The following SFXN2 variants were observed in gnomAD, a reference collection of about 807,000 sequenced individuals.
SFXN2 encodes the protein sideroflexin-2.
A neutral mutation model predicts 41.9 loss-of-function variants in SFXN2; 37 were observed. The ratio of observed to expected loss-of-function variants is 0.88; its 90% confidence interval spans 0.68 to 1.16. The LOEUF is 1.16. Ranked by LOEUF, SFXN2 falls within the 50% of genes most tolerant of loss-of-function variation. The probability of loss-of-function intolerance (pLI) is 0.00; values close to 1 mark genes in which losing one functional copy is unlikely to be tolerated. For synonymous variants in SFXN2, 150 were observed against 156.7 expected, an observed-to-expected ratio of 0.96 and a Z score of 0.32; for missense variants, 386 against 425.2, an observed-to-expected ratio of 0.91 and a Z score of 0.81.
At chr10:102,720,453 C>T (rs1422372581) in intron 1 of SFXN2, among the ~76,000 whole-genome samples, 2 of 151,780 alleles carry the variant, frequency 1.3e-5, no homozygotes, top group African/African-American at 2.4e-5. Flanking sequence ...ACAAAAAATA[C>T]AAAAACTAGC....
At chr10:102,736,597 A>G (rs1349958528) in intron 11 of SFXN2, among the ~76,000 whole-genome samples, 3 of 151,920 alleles carry the variant, frequency 2.0e-5, no homozygotes, top group Non-Finnish European at 4.4e-5. Context: ...TTGTATTTTT[A>G]GTAGAGACGG....
At chr10:102,729,685 G>A (rs774533000) in intron 5 of SFXN2, 38 bp from the exon 6 acceptor site, 29 of 1,597,518 alleles carry the variant, frequency 1.8e-5, no homozygotes, top group Middle Eastern at 3.3e-4. Flanking sequence ...ATCTTCCAGC[G>A]CTTCTGAACA....
chr10:102,729,675 A>T, intron 5 of SFXN2, 48 bp from the exon 6 acceptor site: 1 of 1,581,618 alleles, frequency 6.3e-7, no homozygotes, highest in Middle Eastern at 1.7e-4. Flanking sequence ...CTCCCCTCCC[A>T]TCTTCCAGCG....
At chr10:102,731,472 TC>T (rs2064703290) in intron 6 of SFXN2, among the ~76,000 whole-genome samples, 1 of 152,000 alleles carries the variant, frequency 6.6e-6, no homozygotes, top group South Asian at 2.1e-4. Flanking sequence ...GTGCTCAAGG[TC>T]ACACACATCC....
chr10:102,737,599 C>T, intron 11 of SFXN2, 64 bp from the exon 12 acceptor site: 1 of 1,039,424 alleles, frequency 9.6e-7, no homozygotes, highest in Non-Finnish European at 1.5e-6. Context: ...AGGTGATATT[C>T]ATCTGAGGGT....
intron 1 of SFXN2, among the ~76,000 whole-genome samples, chr10:102,721,024 C>T (rs1008116279): frequency 6.6e-6 from 1 of 152,154 alleles, no homozygotes; most frequent in African/African-American, 2.4e-5. Context: ...GGCTAGAACA[C>T]CCCTGAACCC....
In SFXN2 at chr10:102,715,864, C is replaced by T. The variant is rs191149471; in HGVS notation, c.-26+1183C>T. On this transcript the variant is annotated intron_variant, in intron 1 of 11. Transcript: ENST00000369893. ...TCGGGAGGTTGAGGCTGGAGGATTG[C>T]TTGAGCCCAGGAGCTATTATCACAT... Among the ~76,000 whole-genome samples, 19 of 147,860 alleles carry T rather than the reference C, an allele frequency of 1.3e-4. No homozygotes were observed. In the East Asian group the frequency reaches 3.8e-3, roughly 29 times the overall value.
chr10:102,727,129 A>G lies in SFXN2; in HGVS notation c.304A>G (p.Ile102Val), dbSNP rs1319895256. The G allele has an allele frequency of 2.5e-6, 4 of 1,605,114 alleles. No individual in the cohort carries two copies. Among genetic ancestry groups the G allele is most frequent in the South Asian group, 2.2e-5 (2 of 90,948 alleles). Residue 102 changes from isoleucine (I) to valine (V), a missense_variant, in exon 3 of 12, where the codon ATC (isoleucine) becomes GTC (valine). Ile to Val is a conservative substitution (Grantham distance 29). Coordinates refer to ENST00000369893, the MANE Select transcript of SFXN2 (RefSeq NM_178858.6). Reference protein sequence around the residue: ...MSFQLPGGMIITGFMLQFYRT... With the variant: ...MSFQLPGGMIVTGFMLQFYRT... ...TTTCCAGCTTCCTGGCGGCATGATC[A>G]TCACGGGCTTCATGCTCCAGTTCTA...
intron 11 of SFXN2, 70 bp downstream of exon 11, chr10:102,735,979 G>A: frequency 6.9e-7 from 1 of 1,456,228 alleles, no homozygotes; most frequent in Non-Finnish European, 9.6e-7. Flanking sequence ...TCTGCCTGCT[G>A]TCCAGAAGGA....
rs1009686886 is a variant in SFXN2 at position 102,733,283 on chromosome 10, G to A, written c.772-271G>A. ...CTGCCTCAGCCTCCCGAGCAGCTGG[G>A]ACTACAGGTGCCTGCCACCACGCCC... is the stretch of plus-strand genomic sequence containing the variant. On this transcript the variant is annotated intron_variant, in intron 9 of 11. Transcript: ENST00000369893. Among the ~76,000 whole-genome samples, 8 of 150,888 alleles carry A rather than the reference G, an allele frequency of 5.3e-5. No individual in the cohort carries two copies. In the East Asian group the frequency reaches 1.6e-3, roughly 30 times the overall value.
intron 4 of SFXN2, among the ~76,000 whole-genome samples, chr10:102,728,848 G>A (rs2064652231): frequency 6.6e-6 from 1 of 152,158 alleles, no homozygotes; most frequent in South Asian, 2.1e-4. Context: ...GTTCTCACCT[G>A]TAATCCTAGC....
intron 5 of SFXN2, 148 bp from the exon 6 acceptor site, chr10:102,729,575 G>A (rs2064668423): frequency 1.8e-6 from 2 of 1,117,168 alleles, no homozygotes; most frequent in Non-Finnish European, 2.6e-6. Flanking sequence ...TTGGGCCTTT[G>A]AGGGAGTTTG....
chr10:102,737,415 G>T (rs1053067201), intron 11 of SFXN2, among the ~76,000 whole-genome samples: 6 of 152,142 alleles, frequency 3.9e-5, no homozygotes, highest in African/African-American at 1.4e-4. Context: ...TCATCTGCTA[G>T]ACATCTCTTG....
At chr10:102,725,313 G>A (rs1259979514) in intron 1 of SFXN2, among the ~76,000 whole-genome samples, 1 of 152,126 alleles carries the variant, frequency 6.6e-6, no homozygotes, top group Non-Finnish European at 1.5e-5. Context: ...TTTAGGTGAG[G>A]CAGGAAGGCA....
At chr10:102,718,733 A>C (rs1326434202) in intron 1 of SFXN2, among the ~76,000 whole-genome samples, 1 of 152,100 alleles carries the variant, frequency 6.6e-6, no homozygotes. Flanking sequence ...TTCCGCCTTA[A>C]CGAAAAATCT....
chr10:102,728,420 C>T lies in SFXN2; in HGVS notation c.333-11C>T. 1 of 1,613,824 alleles carries T rather than the reference C, an allele frequency of 6.2e-7. No homozygotes were observed. Among genetic ancestry groups the T allele is most frequent in the East Asian group, 2.2e-5 (1 of 44,878 alleles). ...CTTCTCTCTGCCTCTCCTGGCCTTC[C>T]TCACTGGTAGGACGATGCCGGCGGT... On this transcript the variant is annotated splice_polypyrimidine_tract_variant and intron_variant, in intron 3 of 11. Transcript: ENST00000369893.
intron 9 of SFXN2, 84 bp from the exon 10 acceptor site, chr10:102,733,470 C>A: frequency 8.6e-7 from 1 of 1,167,966 alleles, no homozygotes; most frequent in Non-Finnish European, 1.3e-6. Context: ...TTCTAGCTGG[C>A]TGATCCATGG....
In SFXN2 at chr10:102,741,045, C is replaced by T. The variant is rs1477463488; in HGVS notation, c.*3283C>T. 6.6e-6 allele frequency: 1 copy of T among 152,184 alleles called. No homozygotes were observed. Among genetic ancestry groups the T allele is most frequent in the Non-Finnish European group, 1.5e-5 (1 of 68,042 alleles). The allele number at this position is 152,184 out of a possible 1,614,324, so 9.4% of individuals were successfully genotyped here. On this transcript the variant is annotated 3_prime_UTR_variant, in exon 12 of 12. Transcript: ENST00000369893. Reference sequence around the variant, plus strand: ...ACATTCTAAAAAGTGGTCACTCAAACTGCATCTCAGTCTCATTTTGTAACA... The same window carrying T: ...ACATTCTAAAAAGTGGTCACTCAAATTGCATCTCAGTCTCATTTTGTAACA...
At chr10:102,731,452 G>A (rs2064702943) in intron 6 of SFXN2, among the ~76,000 whole-genome samples, 1 of 152,058 alleles carries the variant, frequency 6.6e-6, no homozygotes, top group Admixed American at 6.6e-5. Context: ...CTTTGGGAGG[G>A]TTAAAGACTG....
Sources: allele counts gnomAD v4.1 joint callset (sites outside exome capture counted in the v4.1 genomes callset), GRCh38; gene constraint gnomAD v4.1.1; transcripts MANE v1.5; gene names NCBI Gene and HGNC (gene_info 2026-07-23, HGNC 2026-07-21).